The following SNW1 variants were observed in gnomAD, a reference collection of about 807,000 sequenced individuals.
SNW1 encodes SNW domain-containing protein 1.
A neutral mutation model predicts 75.6 loss-of-function variants in SNW1; 9 were observed. That is an observed-to-expected ratio of 0.12 (90% CI 0.07 to 0.21). SNW1 has a LOEUF of 0.21. SNW1 is among the 10% of genes least tolerant of loss of function. The pLI, the probability that SNW1 is intolerant of heterozygous loss-of-function variation, is 1.00. For missense variants in SNW1, 409 were observed against 670.9 expected (o/e 0.61, Z 4.31); for synonymous variants, 200 against 219.1 (o/e 0.91, Z 0.77).
chr14:77,751,255 T>C (rs2080805108), intron 3 of SNW1, 64 bp downstream of exon 3: 4 of 1,483,128 alleles, frequency 2.7e-6, no homozygotes, highest in Non-Finnish European at 3.7e-6. Context: ...AGATTTATCG[T>C]GTCCACAAAA....
Position 77,723,096 on chromosome 14 carries a change from A to G in SNW1, c.1130+85T>C. The G allele has an allele frequency of 3.0e-6, 3 of 1,009,714 alleles. No homozygotes were observed. In the South Asian group the frequency reaches 3.8e-5, roughly 13 times the overall value. The allele number at this position is 1,009,714 out of a possible 1,614,324, so 62.5% of individuals were successfully genotyped here. A position where few individuals can be genotyped will look rare whatever the true frequency, so the allele number is the denominator to read the frequency against. On this transcript the variant is annotated intron_variant, in intron 11 of 13. Transcript: ENST00000261531. ...TCTCCTGACCTCGTGATCCGCCCGC[A>G]TTGGCCTCCCAAAGTGCTGGGATTA...
At chr14:77,739,233 T>C (rs2080697939) in intron 3 of SNW1, among the ~76,000 whole-genome samples, 172 bp from the exon 4 acceptor site, 1 of 152,246 alleles carries the variant, frequency 6.6e-6, no homozygotes, top group African/African-American at 2.4e-5. Context: ...AACAAATTGC[T>C]ACCCTGGCTG....
At chr14:77,755,941 G>A (rs2080839658) in intron 1 of SNW1, among the ~76,000 whole-genome samples, 1 of 151,728 alleles carries the variant, frequency 6.6e-6, no homozygotes, top group African/African-American at 2.4e-5. Context: ...GTTTCGCCAT[G>A]TTGGCCAGGC....
chr14:77,750,179 C>T (rs1473742797), intron 3 of SNW1, among the ~76,000 whole-genome samples: 1 of 151,720 alleles, frequency 6.6e-6, no homozygotes, highest in African/African-American at 2.4e-5. Flanking sequence ...CCAGCCTGGG[C>T]AACAGAACAA....
chr14:77,730,018 T>C (rs988794745), intron 10 of SNW1, among the ~76,000 whole-genome samples: 4 of 152,202 alleles, frequency 2.6e-5, no homozygotes, highest in Admixed American at 6.5e-5. Context: ...TCCAGTCATA[T>C]TGGCCTGTCT....
Position 77,761,118 on chromosome 14 carries a change from T to C in SNW1, c.10A>G (p.Thr4Ala), listed in dbSNP as rs2080888302. 5 of 1,614,226 alleles carry C rather than the reference T, an allele frequency of 3.1e-6. No individual in the cohort carries two copies. Among genetic ancestry groups the C allele is most frequent in the South Asian group, 1.1e-5 (1 of 91,062 alleles). Residue 4 changes from threonine (T) to alanine (A), a missense_variant, in exon 1 of 14, where the codon ACC becomes GCC. Coordinates refer to ENST00000261531, the MANE Select transcript of SNW1 (RefSeq NM_012245.3). MALTSFLPAPTQLS... is the reference protein window; with the variant it reads MALASFLPAPTQLS... ...GGACCCCAATCAACAACCCACCTGG[T>C]GAGCGCCATCTTCTTCCGCTTCTTC...
chr14:77,722,993 T>C, intron 11 of SNW1, 188 bp downstream of exon 11: 2 of 552,644 alleles, frequency 3.6e-6, no homozygotes, highest in Non-Finnish European at 6.5e-6. Context: ...TACAGGCGCC[T>C]GCCACGACCA....
rs764307816 is a variant in SNW1 at position 77,734,965 on chromosome 14, A to G, written c.756T>C (p.Ser252=). 3 of 1,611,128 alleles carry G rather than the reference A, an allele frequency of 1.9e-6. No individual in the cohort carries two copies. In the African/African-American group the frequency reaches 4.0e-5, roughly 22 times the overall value. The change falls in exon 8 of 14, where the codon TCT becomes TCC. Residue 252 remains serine (S), a synonymous_variant. Transcript: ENST00000261531. ...QQEWKIPPCI[S]NWKNAKGYTI... is the part of the protein sequence containing the mutation. ...TAATTACCTTTGCATTTTTCCAGTT[A>G]GAAATACAAGGAGGAATCTTCCACT...
intron 11 of SNW1, chr14:77,722,611 G>A (rs1319041920): frequency 1.0e-5 from 4 of 391,764 alleles, no homozygotes; most frequent in Non-Finnish European, 2.0e-5. Flanking sequence ...TCTCGATTCC[G>A]TTTTCTATAT....
At chr14:77,730,266 A>G (rs555218875) in intron 10 of SNW1, among the ~76,000 whole-genome samples, 17 of 152,288 alleles carry the variant, frequency 1.1e-4, no homozygotes, top group African/African-American at 3.8e-4. Flanking sequence ...ATTACCTTTT[A>G]CTATACTACA....
intron 3 of SNW1, among the ~76,000 whole-genome samples, chr14:77,747,783 G>A (rs565245437): frequency 2.7e-5 from 4 of 150,756 alleles, no homozygotes; most frequent in Non-Finnish European, 5.9e-5. Flanking sequence ...CAGCCGCCCT[G>A]TCCGGGAGGT....
chr14:77,742,993 AGGTG>A, intron 3 of SNW1, among the ~76,000 whole-genome samples: 1 of 152,012 alleles, frequency 6.6e-6, no homozygotes, highest in Non-Finnish European at 1.5e-5. Context: ...TAGGAGGCCG[AGGTG>A]GGTGGATCAC....
chr14:77,736,367 G>C (rs1167113051), intron 6 of SNW1, among the ~76,000 whole-genome samples: 1 of 152,066 alleles, frequency 6.6e-6, no homozygotes, highest in Middle Eastern at 3.2e-3. Flanking sequence ...GGCTAACATG[G>C]TGAAACCCTG....
At chr14:77,740,914 T>C (rs1012382335) in intron 3 of SNW1, among the ~76,000 whole-genome samples, 1 of 151,724 alleles carries the variant, frequency 6.6e-6, no homozygotes, top group African/African-American at 2.4e-5. Context: ...CTGACCAACA[T>C]GGTGAAACCC....
At chr14:77,739,849 G>C (rs1452115403) in intron 3 of SNW1, among the ~76,000 whole-genome samples, 1 of 152,034 alleles carries the variant, frequency 6.6e-6, no homozygotes, top group East Asian at 1.9e-4. Context: ...AAGAGATACA[G>C]AGGGGCCGGG....
chr14:77,718,241 T>C lies in SNW1; in HGVS notation c.1458A>G (p.Arg486=), dbSNP rs1312754229. 1 of 1,613,344 alleles carries C rather than the reference T, an allele frequency of 6.2e-7. No homozygotes were observed. Among genetic ancestry groups the C allele is most frequent in the Non-Finnish European group, 8.5e-7 (1 of 1,179,634 alleles). ...CAAACTGCACTGGTCCTTCTCGGCC[T>C]CTCTGTCTACGGTCTGAACCAGAAA... ...KEFSGSDRRQ[R]GREGPVQFEE... The change falls in exon 14 of 14, where the codon AGA becomes AGG. Residue 486 remains arginine (R), a synonymous_variant. Transcript: ENST00000261531.
chr14:77,735,019 G>A lies in SNW1; in HGVS notation c.709-7C>T, dbSNP rs758397834. The stretch of plus-strand genomic sequence containing the variant: ...GTTGTTCCTTTACAGTCATCTGAGA[G>A]AAGAGGGAAAGAAGAGACAAGTTTA... On this transcript the variant is annotated splice_polypyrimidine_tract_variant and splice_region_variant and intron_variant, in intron 7 of 13. Transcript: ENST00000261531. 1.1e-5 allele frequency: 18 copies of A among 1,596,134 alleles called. No individual in the cohort carries two copies. Among genetic ancestry groups the A allele is most frequent in the Non-Finnish European group, 1.5e-5 (18 of 1,165,666 alleles).
intron 3 of SNW1, 30 bp from the exon 4 acceptor site, chr14:77,739,091 GA>G: frequency 6.5e-7 from 1 of 1,545,370 alleles, no homozygotes. Flanking sequence ...GCAGGCTTAA[GA>G]AAAGCAAACA....
chr14:77,744,251 A>C (rs2080741168), intron 3 of SNW1, among the ~76,000 whole-genome samples: 1 of 151,914 alleles, frequency 6.6e-6, no homozygotes, highest in Non-Finnish European at 1.5e-5. Context: ...TCAGGAGTTT[A>C]AGACCAGCCT....
Sources: allele counts gnomAD v4.1 joint callset (sites outside exome capture counted in the v4.1 genomes callset), GRCh38; gene constraint gnomAD v4.1.1; transcripts MANE v1.5; gene names NCBI Gene and HGNC (gene_info 2026-07-23, HGNC 2026-07-21).